Variants in TDP1 observed in about 807,000 individuals in gnomAD.
TDP1 encodes the protein tyrosyl-DNA phosphodiesterase 1, also known as tyr-DNA phosphodiesterase 1.
TDP1 carries 64 observed loss-of-function variants against 81.5 expected under a neutral mutation model. The ratio of observed to expected loss-of-function variants is 0.79; its 90% CI spans 0.64 to 0.97. The LOEUF is 0.97. TDP1 is among the 50% of genes least tolerant of loss of function. The probability of loss-of-function intolerance (pLI) is 0.00; values close to 1 mark genes in which losing one functional copy is unlikely to be tolerated. For synonymous variants in TDP1, 256 were observed against 264.3 expected, an observed-to-expected ratio of 0.97 and a Z score of 0.30; for missense variants, 723 against 743.8, an observed-to-expected ratio of 0.97 and a Z score of 0.33.
chr14:89,998,410 A>ATGTATG (rs1566891155), intron 14 of TDP1, among the ~76,000 whole-genome samples: 3 of 105,866 alleles, frequency 2.8e-5, no homozygotes, highest in African/African-American at 1.4e-4. Context: ...ATATATATAT[A>ATGTATG]TATATATATA....
chr14:90,034,906 C>A (rs1393532438), intron 16 of TDP1, among the ~76,000 whole-genome samples: 1 of 152,232 alleles, frequency 6.6e-6, no homozygotes, highest in East Asian at 1.9e-4. Context: ...CACTAACCTT[C>A]TCAGCTTTCA....
At chr14:90,041,085 C>A (rs1308126284) in intron 16 of TDP1, among the ~76,000 whole-genome samples, 1 of 152,194 alleles carries the variant, frequency 6.6e-6, no homozygotes, top group Admixed American at 6.5e-5. Flanking sequence ...AATAGTATGT[C>A]TAATAGCACT....
intron 8 of TDP1, chr14:89,983,237 A>G: frequency 2.3e-6 from 1 of 440,484 alleles, no homozygotes; most frequent in Non-Finnish European, 4.5e-6. Flanking sequence ...TTACACACGG[A>G]GGCAAAGGCC....
intron 15 of TDP1, among the ~76,000 whole-genome samples, chr14:90,020,643 C>T (rs946239211): frequency 2.0e-5 from 2 of 100,534 alleles, no homozygotes; most frequent in African/African-American, 4.4e-5. Context: ...CGCCTTCCTT[C>T]CTCCCTCCCT....
At chr14:90,026,412 C>T (rs571700775) in intron 15 of TDP1, among the ~76,000 whole-genome samples, 1 of 152,366 alleles carries the variant, frequency 6.6e-6, no homozygotes, top group East Asian at 1.9e-4. Flanking sequence ...CTACTCCTTC[C>T]TCTCACCTGT....
rs1256227684 is a variant in TDP1 at position 90,042,566 on chromosome 14, G to T, written c.1754-504G>T. On this transcript the variant is annotated intron_variant, in intron 16 of 16. Coordinates refer to ENST00000335725, the MANE Select transcript of TDP1 (RefSeq NM_018319.4). ...ACTGGGTAATTTATAAAGGAAAGAGGTTTAATTGACTCATAGTTCCACATG... is the reference window on the plus strand; with the variant it reads ...ACTGGGTAATTTATAAAGGAAAGAGTTTTAATTGACTCATAGTTCCACATG... Among the ~76,000 whole-genome samples, 4 of 152,172 alleles carry T rather than the reference G, an allele frequency of 2.6e-5. No individual in the cohort carries two copies. In the East Asian group the frequency reaches 7.7e-4, roughly 29 times the overall value.
rs1896395298 is a variant in TDP1, at chr14:89,993,454, C to G, written c.1512C>G (p.Phe504Leu). ...IKTYMRPSPD[F>L]SKIAWFLVTS... is the part of the protein sequence containing the mutation. ...CATATATGAGGCCTTCTCCAGACTTCAGTAAAATTGCTTGGTTCCTTGTCA... is the reference window on the plus strand; with the variant it reads ...CATATATGAGGCCTTCTCCAGACTTGAGTAAAATTGCTTGGTTCCTTGTCA... The change falls in exon 14 of 17, where the codon TTC becomes TTG. Residue 504 changes from phenylalanine (F) to leucine (L), a missense_variant. Coordinates refer to ENST00000335725, the MANE Select transcript of TDP1 (RefSeq NM_018319.4). The G allele has an allele frequency of 1.2e-6, 2 of 1,613,828 alleles. No homozygotes were observed. The highest frequency in any genetic ancestry group is 2.2e-5 in the South Asian group (2 of 91,070).
intron 14 of TDP1, among the ~76,000 whole-genome samples, chr14:90,004,164 A>G (rs1389202320): frequency 6.6e-6 from 1 of 152,146 alleles, no homozygotes; most frequent in Non-Finnish European, 1.5e-5. Context: ...TACATCTGGT[A>G]CAAGCAGAGT....
At chr14:90,008,622 C>T (rs182887387) in intron 14 of TDP1, among the ~76,000 whole-genome samples, 1 of 152,294 alleles carries the variant, frequency 6.6e-6, no homozygotes, top group East Asian at 1.9e-4. Flanking sequence ...CAACATTTGG[C>T]AGTTAATAGA....
chr14:90,027,301 C>T (rs1424428497), intron 15 of TDP1, among the ~76,000 whole-genome samples: 1 of 152,086 alleles, frequency 6.6e-6, no homozygotes, highest in African/African-American at 2.4e-5. Flanking sequence ...CCTTCCCTCC[C>T]TGTTTTCCCC....
intron 7 of TDP1, 77 bp downstream of exon 7, chr14:89,975,892 C>A: frequency 8.1e-7 from 1 of 1,240,988 alleles, no homozygotes; most frequent in Non-Finnish European, 1.2e-6. Flanking sequence ...TTAGGAGAGA[C>A]TGAGCATGGT....
chr14:90,039,352 G>A (rs34943276), intron 16 of TDP1, among the ~76,000 whole-genome samples: 180 of 152,310 alleles, frequency 1.2e-3, no homozygotes, highest in African/African-American at 4.3e-3. Context: ...GTAGGCTAAT[G>A]TAAAATGGCA....
In TDP1 at chr14:89,993,398, G is replaced by A. The variant is rs756246579; in HGVS notation, c.1456G>A (p.Gly486Ser). ...YFHKWSAETS[G>S]RSNAMPHIKT... Reference sequence around the variant, plus strand: ...TAGCAAATGGTCAGCTGAGACTTCTGGCCGCAGCAATGCCATGCCACATAT... The same window carrying A: ...TAGCAAATGGTCAGCTGAGACTTCTAGCCGCAGCAATGCCATGCCACATAT... Residue 486 changes from glycine (G) to serine (S), a missense_variant, in exon 14 of 17, where the codon GGC becomes AGC. Coordinates refer to ENST00000335725, the MANE Select transcript of TDP1 (RefSeq NM_018319.4). 4.3e-6 allele frequency: 7 copies of A among 1,613,660 alleles called. No individual in the cohort carries two copies. The South Asian group carries it at 7.7e-5, about 18-fold the overall frequency.
At chr14:89,998,234 T>C (rs748160833) in intron 14 of TDP1, among the ~76,000 whole-genome samples, 12 of 151,732 alleles carry the variant, frequency 7.9e-5, no homozygotes, top group Non-Finnish European at 1.0e-4. Flanking sequence ...TGTTGCCCAA[T>C]GAGTTAAGAT....
At chr14:90,024,504 C>G (rs1207406109) in intron 15 of TDP1, among the ~76,000 whole-genome samples, 1 of 152,186 alleles carries the variant, frequency 6.6e-6, no homozygotes, top group Non-Finnish European at 1.5e-5. Flanking sequence ...AAGTTGTTTC[C>G]TTTAAGTTGA....
In TDP1 at chr14:90,011,049, G is replaced by C. The variant is rs144666303; in HGVS notation, c.1542-8267G>C. Among the ~76,000 whole-genome samples the C allele has an allele frequency of 1.5e-3, 228 of 152,238 alleles. 1 individual carries two copies. Among genetic ancestry groups the C allele is most frequent in the African/African-American group, 5.2e-3 (215 of 41,540 alleles). The stretch of plus-strand genomic sequence containing the variant: ...GTGGGTTTTCCTGTGCTGTTCTCAT[G>C]ATAGTGAATATGTCTCATGAGATCT... On this transcript the variant is annotated intron_variant, in intron 14 of 16. Transcript: ENST00000335725.
Position 89,980,716 on chromosome 14 carries a change from A to AT in TDP1, c.884+94dup, listed in dbSNP as rs35916493. On this transcript the variant is annotated intron_variant, in intron 8 of 16. Coordinates refer to ENST00000335725, the MANE Select transcript of TDP1 (RefSeq NM_018319.4). ...GAACATTCACTTTATTCTTTTTTCT[A>AT]TTTTTTTTTTAAGTTGTAAAAATAA... is the stretch of plus-strand genomic sequence containing the variant. The AT allele has an allele frequency of 0.031, 32,874 of 1,048,968 alleles. 847 individuals carry two copies. Among genetic ancestry groups the AT allele is most frequent in the African/African-American group, 0.17 (10,217 of 60,360 alleles). 65.0% of individuals were successfully genotyped at this position (1,048,968 alleles called of 1,614,324 possible).
At chr14:89,980,194 A>G (rs750260653) in intron 7 of TDP1, 439 of 985,324 alleles carry the variant, frequency 4.5e-4, no homozygotes, top group Middle Eastern at 5.2e-4. Flanking sequence ...CCATACTTTG[A>G]ATCTCAAACA....
At chr14:90,026,454 TTTA>T (rs1389192254) in intron 15 of TDP1, among the ~76,000 whole-genome samples, 1 of 152,264 alleles carries the variant, frequency 6.6e-6, no homozygotes, top group East Asian at 1.9e-4. Context: ...CTGGCAAGAA[TTTA>T]TTTTCTTTTT....
Sources: gnomAD v4.1 joint callset for allele counts (sites outside exome capture counted in the v4.1 genomes callset) on GRCh38, gnomAD v4.1.1 for gene constraint, MANE v1.5 for transcripts, NCBI Gene and HGNC (gene_info 2026-07-23, HGNC 2026-07-21) for gene names.